Variants in HS6ST3 observed in about 807,000 individuals in gnomAD.
HS6ST3 encodes heparan sulfate 6-O-sulfotransferase 3, also known as heparan-sulfate 6-O-sulfotransferase 3.
HS6ST3 carries 12 observed loss-of-function variants against 36.7 expected under a neutral mutation model. The observed-to-expected ratio is 0.33, with a 90% CI of 0.21 to 0.53. HS6ST3 has a LOEUF of 0.53. HS6ST3 is among the 20% of genes least tolerant of loss of function. The probability of loss-of-function intolerance (pLI) is 0.95; values close to 1 mark genes in which losing one functional copy is unlikely to be tolerated. For synonymous variants in HS6ST3, 240 were observed against 257.5 expected, an observed-to-expected ratio of 0.93 and a Z score of 0.65; for missense variants, 584 against 640.9, an observed-to-expected ratio of 0.91 and a Z score of 0.96.
chr13:96,704,646 T>C (rs1483596297), intron 1 of HS6ST3, among the ~76,000 whole-genome samples: 37 of 151,840 alleles, frequency 2.4e-4, no homozygotes, highest in Admixed American at 2.3e-3. Flanking sequence ...CTCTGAAGAG[T>C]TGATCTCATG....
intron 1 of HS6ST3, among the ~76,000 whole-genome samples, chr13:96,275,044 A>C (rs1951523129): frequency 6.6e-6 from 1 of 152,058 alleles, no homozygotes; most frequent in Non-Finnish European, 1.5e-5. Context: ...TTTCAGCGTA[A>C]ATCTTGGGAG....
chr13:96,356,544 G>T (rs1363538120), intron 1 of HS6ST3, among the ~76,000 whole-genome samples: 3 of 152,144 alleles, frequency 2.0e-5, no homozygotes, highest in Non-Finnish European at 4.4e-5. Flanking sequence ...TAGGTGCATT[G>T]TCAATGAGTA....
chr13:96,459,100 T>TAAAAAAAAAAAAAAAAA lies in HS6ST3; in HGVS notation c.707+367540_707+367556dup, dbSNP rs747439262. ...GCCTGGGCGACAGAGCAAGACTGTC[T>TAAAAAAAAAAAAAAAAA]AAAAAAAAAAAAAAAAAAAAAAAAA... On this transcript the variant is annotated intron_variant, in intron 1 of 1. Transcript: ENST00000376705. 4.5e-3 allele frequency among the ~76,000 whole-genome samples: 289 copies of TAAAAAAAAAAAAAAAAA among 63,862 alleles called. 28 individuals are homozygous for TAAAAAAAAAAAAAAAAA. Among genetic ancestry groups the TAAAAAAAAAAAAAAAAA allele is most frequent in the Middle Eastern group, 0.011 (1 of 88 alleles). The allele number at this position is 63,862 out of a possible 152,430, so 41.9% of individuals were successfully genotyped here.
At chr13:96,778,144 C>T (rs549321579) in intron 1 of HS6ST3, among the ~76,000 whole-genome samples, 1 of 152,244 alleles carries the variant, frequency 6.6e-6, no homozygotes, top group East Asian at 1.9e-4. Context: ...AAATTCGACC[C>T]CTTCCTTACA....
At chr13:96,651,121 T>C (rs573904144) in intron 1 of HS6ST3, among the ~76,000 whole-genome samples, 1 of 152,258 alleles carries the variant, frequency 6.6e-6, no homozygotes, top group Admixed American at 6.5e-5. Context: ...ACCTATATTT[T>C]GAAAATTCTT....
chr13:96,312,628 T>C (rs931566805), intron 1 of HS6ST3, among the ~76,000 whole-genome samples: 2 of 152,158 alleles, frequency 1.3e-5, no homozygotes, highest in Non-Finnish European at 2.9e-5. Flanking sequence ...TTGGAATTTA[T>C]GTTATTAGCT....
chr13:96,443,908 C>T (rs907800879), intron 1 of HS6ST3, among the ~76,000 whole-genome samples: 2 of 152,164 alleles, frequency 1.3e-5, no homozygotes, highest in African/African-American at 4.8e-5. Context: ...ATTGTCGGTC[C>T]TGATACTGGA....
At chr13:96,450,307 C>G (rs1404351893) in intron 1 of HS6ST3, among the ~76,000 whole-genome samples, 2 of 152,102 alleles carry the variant, frequency 1.3e-5, no homozygotes, top group African/African-American at 4.8e-5. Context: ...CTGGTATTTG[C>G]CATAGGAACT....
chr13:96,197,384 C>T (rs1017469547), intron 1 of HS6ST3, among the ~76,000 whole-genome samples: 8 of 152,222 alleles, frequency 5.3e-5, no homozygotes, highest in Non-Finnish European at 1.2e-4. Context: ...CCCCTGGGTC[C>T]CTCCCACAAC....
At chr13:96,194,571 A>G (rs2054303358) in intron 1 of HS6ST3, among the ~76,000 whole-genome samples, 1 of 152,166 alleles carries the variant, frequency 6.6e-6, no homozygotes, top group African/African-American at 2.4e-5. Flanking sequence ...TCATCAAACT[A>G]ATTAACACAT....
chr13:96,348,661 T>C (rs1243774896), intron 1 of HS6ST3, among the ~76,000 whole-genome samples: 1 of 152,208 alleles, frequency 6.6e-6, no homozygotes. Context: ...GGCATCTATT[T>C]TGCCACTCAG....
chr13:96,369,214 C>T (rs1001427008), intron 1 of HS6ST3, among the ~76,000 whole-genome samples: 2 of 152,080 alleles, frequency 1.3e-5, no homozygotes, highest in Non-Finnish European at 2.9e-5. Flanking sequence ...GGGGTCACGC[C>T]CTCTTGCAGC....
rs567051375 is a variant in HS6ST3 at position 96,509,901 on chromosome 13, G to A, written c.708-322589G>A. Reference sequence around the variant, plus strand: ...GAAAAATTATCTTGGTATTTTGACAGGAATTGCATTTAATCTGTAGATTGC... The same window carrying A: ...GAAAAATTATCTTGGTATTTTGACAAGAATTGCATTTAATCTGTAGATTGC... On this transcript the variant is annotated intron_variant, in intron 1 of 1. Transcript: ENST00000376705. 2.6e-5 allele frequency among the ~76,000 whole-genome samples: 4 copies of A among 152,156 alleles called. No individual in the cohort carries two copies. The East Asian group carries it at 7.7e-4, about 29-fold the overall frequency.
chr13:96,724,256 T>C (rs889351791), intron 1 of HS6ST3, among the ~76,000 whole-genome samples: 2 of 152,234 alleles, frequency 1.3e-5, no homozygotes, highest in Admixed American at 6.5e-5. Flanking sequence ...ACTGAGCAGA[T>C]AGAGATCAGC....
chr13:96,620,158 A>G (rs1381521766), intron 1 of HS6ST3, among the ~76,000 whole-genome samples: 1 of 152,228 alleles, frequency 6.6e-6, no homozygotes, highest in African/African-American at 2.4e-5. Flanking sequence ...TAAAGCACCC[A>G]AAACTATTGC....
intron 1 of HS6ST3, among the ~76,000 whole-genome samples, chr13:96,408,463 T>C (rs1465747368): frequency 1.3e-5 from 2 of 152,052 alleles, no homozygotes; most frequent in Non-Finnish European, 2.9e-5. Flanking sequence ...ATATAATAAA[T>C]GAAAATAGAA....
intron 1 of HS6ST3, among the ~76,000 whole-genome samples, chr13:96,449,455 G>C (rs373375189): frequency 2.6e-5 from 4 of 152,120 alleles, no homozygotes; most frequent in African/African-American, 9.7e-5. Flanking sequence ...CTATAAGGGA[G>C]GATACTTCTC....
At chr13:96,821,052 C>T (rs1392200536) in intron 1 of HS6ST3, among the ~76,000 whole-genome samples, 1 of 152,222 alleles carries the variant, frequency 6.6e-6, no homozygotes, top group Non-Finnish European at 1.5e-5. Flanking sequence ...ATGAATGCAA[C>T]TGCAATAATT....
intron 1 of HS6ST3, among the ~76,000 whole-genome samples, chr13:96,497,155 G>A (rs1340638585): frequency 1.3e-5 from 2 of 152,096 alleles, no homozygotes; most frequent in African/African-American, 4.8e-5. Flanking sequence ...GAATGAATCT[G>A]GGAAACACAT....
Sources: allele counts gnomAD v4.1 joint callset (sites outside exome capture counted in the v4.1 genomes callset), GRCh38; gene constraint gnomAD v4.1.1; transcripts MANE v1.5; gene names NCBI Gene and HGNC (gene_info 2026-07-23, HGNC 2026-07-21).